Variants in SLC35D4 observed in about 807,000 individuals in gnomAD.
The protein encoded by SLC35D4 is solute carrier family 35 member D4, also known as UDP-N-acetylglucosamine transporter SLC35D4.
the SLC35D4 span, among the ~76,000 whole-genome samples, chr18:23,342,470 A>C: frequency 2.9e-3 from 438 of 152,160 alleles, 1 homozygote; most frequent in Non-Finnish European, 4.3e-3. Flanking sequence ...TTATATATTC[A>C]CTAGTTGATG....
chr18:23,285,625 C>T, the SLC35D4 span, among the ~76,000 whole-genome samples: 56 of 152,188 alleles, frequency 3.7e-4, no homozygotes, highest in Admixed American at 1.5e-3. Context: ...CTTTCCCTTC[C>T]GCCTGTCCCC....
the SLC35D4 span, among the ~76,000 whole-genome samples, chr18:23,315,932 A>C: frequency 6.6e-6 from 1 of 152,272 alleles, no homozygotes; most frequent in Non-Finnish European, 1.5e-5. Flanking sequence ...GCTGGCAGGC[A>C]GAACAACAGG....
At chr18:23,361,118 A>AAG in the SLC35D4 span, among the ~76,000 whole-genome samples, 12 of 151,064 alleles carry the variant, frequency 7.9e-5, no homozygotes, top group Non-Finnish European at 1.6e-4. Context: ...AAAAAAAAAA[A>AAG]AAAAAAAGAA....
chr18:23,386,950 C>T, the SLC35D4 span, among the ~76,000 whole-genome samples: 1 of 152,208 alleles, frequency 6.6e-6, no homozygotes, highest in Non-Finnish European at 1.5e-5. Context: ...CGCTCTGCCG[C>T]CTGGGCTGGA....
chr18:23,296,042 A>G, the SLC35D4 span: 1 of 152,116 alleles, frequency 6.6e-6, no homozygotes, highest in African/African-American at 2.4e-5. Flanking sequence ...TTTTGGAGCA[A>G]TGAGAACACA....
At chr18:23,407,795 C>G in the SLC35D4 span, among the ~76,000 whole-genome samples, 6 of 152,188 alleles carry the variant, frequency 3.9e-5, no homozygotes, top group Non-Finnish European at 7.3e-5. Context: ...TGGTATCTTT[C>G]CGTAGGATAT....
the SLC35D4 span, among the ~76,000 whole-genome samples, chr18:23,282,197 A>C: frequency 2.0e-5 from 3 of 152,282 alleles, 1 homozygote; most frequent in African/African-American, 7.2e-5. Flanking sequence ...CGGGCCTTTC[A>C]CAGAGAGCAG....
At chr18:23,341,540 C>T in the SLC35D4 span, among the ~76,000 whole-genome samples, 1 of 152,222 alleles carries the variant, frequency 6.6e-6, no homozygotes, top group African/African-American at 2.4e-5. Flanking sequence ...CCTCTGGCAC[C>T]ACTGAAACAT....
chr18:23,339,536 A>G, the SLC35D4 span, among the ~76,000 whole-genome samples: 1 of 152,240 alleles, frequency 6.6e-6, no homozygotes, highest in Non-Finnish European at 1.5e-5. Flanking sequence ...ACGTTTGTGC[A>G]CTATCTTTGG....
chr18:23,382,908 G>A, the SLC35D4 span, among the ~76,000 whole-genome samples: 1 of 152,226 alleles, frequency 6.6e-6, no homozygotes, highest in Admixed American at 6.5e-5. Flanking sequence ...AAGGCAGCCT[G>A]GAGAAGATGA....
chr18:23,324,978 G>A, the SLC35D4 span, among the ~76,000 whole-genome samples: 3 of 152,282 alleles, frequency 2.0e-5, no homozygotes, highest in South Asian at 4.1e-4. Context: ...CTGGTCCCAG[G>A]AAGATTAGGC....
the SLC35D4 span, among the ~76,000 whole-genome samples, chr18:23,343,158 G>C: frequency 2.0e-5 from 3 of 152,166 alleles, no homozygotes; most frequent in African/African-American, 7.2e-5. Context: ...CCTGATCTCA[G>C]GTGATCCACC....
chr18:23,297,708 A>T, the SLC35D4 span: 1 of 343,322 alleles, frequency 2.9e-6, no homozygotes, highest in Non-Finnish European at 5.6e-6. Context: ...GTTTCTGCAG[A>T]ACCAGCTACA....
chr18:23,328,121 G>A, the SLC35D4 span, among the ~76,000 whole-genome samples: 1 of 152,206 alleles, frequency 6.6e-6, no homozygotes, highest in African/African-American at 2.4e-5. Context: ...AAAACTGGAA[G>A]CATTCCCTTT....
the SLC35D4 span, among the ~76,000 whole-genome samples, chr18:23,239,321 T>C: frequency 1.3e-5 from 2 of 152,228 alleles, no homozygotes; most frequent in East Asian, 3.8e-4. Flanking sequence ...CTATAGAGAA[T>C]GGAATTGCGC....
chr18:23,297,856 G>A, the SLC35D4 span: 1 of 840,284 alleles, frequency 1.2e-6, no homozygotes, highest in Non-Finnish European at 1.9e-6. Flanking sequence ...TCACTTGGGT[G>A]AGGGTGATGG....
the SLC35D4 span, among the ~76,000 whole-genome samples, chr18:23,367,421 C>T: frequency 1.4e-4 from 22 of 152,202 alleles, no homozygotes; most frequent in Admixed American, 1.3e-4. Flanking sequence ...GGGACTGGGG[C>T]CCCCACAGTG....
At chr18:23,283,486 A>AAG in the SLC35D4 span, among the ~76,000 whole-genome samples, 1 of 150,328 alleles carries the variant, frequency 6.7e-6, no homozygotes, top group Admixed American at 6.6e-5. Flanking sequence ...AAAAAAAAAA[A>AAG]AAAAAAAGAA....
the SLC35D4 span, among the ~76,000 whole-genome samples, chr18:23,418,010 C>T: frequency 2.0e-5 from 3 of 152,110 alleles, no homozygotes; most frequent in African/African-American, 7.2e-5. Flanking sequence ...AATTCTGTAT[C>T]CCTATTTGTT....
Sources: gnomAD v4.1 joint callset for allele counts (sites outside exome capture counted in the v4.1 genomes callset) on GRCh38, gnomAD v4.1.1 for gene constraint, MANE v1.5 for transcripts, NCBI Gene and HGNC (gene_info 2026-07-23, HGNC 2026-07-21) for gene names.